Variants in UPF1 observed in about 807,000 individuals in gnomAD.
The protein encoded by UPF1 is regulator of nonsense transcripts 1.
UPF1 carries 9 observed loss-of-function variants against 129.2 expected under a neutral mutation model. That is an observed-to-expected ratio of 0.07 (90% CI 0.04 to 0.12). The LOEUF is 0.12. UPF1 is among the 10% of genes least tolerant of loss of function. The pLI is 1.00. For missense variants in UPF1, 788 were observed against 1,525.3 expected (o/e 0.52, Z 8.05); for synonymous variants, 649 against 644.9 (o/e 1.01, Z -0.10).
chr19:18,862,290 G>GT, intron 18 of UPF1, 138 bp downstream of exon 18: 1 of 1,359,916 alleles, frequency 7.4e-7, no homozygotes, highest in Non-Finnish European at 9.9e-7. Flanking sequence ...ATGTCTCACT[G>GT]GAGAGATCTT....
intron 1 of UPF1, among the ~76,000 whole-genome samples, chr19:18,842,129 G>A (rs1397918868): frequency 3.3e-5 from 5 of 152,156 alleles, no homozygotes; most frequent in Admixed American, 1.3e-4. Context: ...CCTGGGGACC[G>A]CTGTGTCGGG....
intron 1 of UPF1, among the ~76,000 whole-genome samples, chr19:18,834,280 G>A (rs2055460201): frequency 6.6e-6 from 1 of 152,234 alleles, no homozygotes; most frequent in Admixed American, 6.5e-5. Context: ...GCGTGACAGC[G>A]CGGATCGGGG....
intron 1 of UPF1, 31 bp from the exon 2 acceptor site, chr19:18,845,949 C>T: frequency 6.2e-7 from 1 of 1,611,576 alleles, no homozygotes; most frequent in Non-Finnish European, 8.5e-7. Context: ...AAGCTGCAGC[C>T]TCACTCAGGT....
At chr19:18,856,795 T>G (rs1050485222) in intron 13 of UPF1, 82 bp from the exon 14 acceptor site, 103 of 1,510,570 alleles carry the variant, frequency 6.8e-5, no homozygotes, top group Admixed American at 4.0e-4. Context: ...CAGGAGAGCT[T>G]CTGTGTTCTG....
intron 3 of UPF1, chr19:18,849,853 G>T: frequency 1.7e-6 from 1 of 582,332 alleles, no homozygotes; most frequent in South Asian, 2.0e-5. Flanking sequence ...ACCGTGTTAA[G>T]GAAGTTTTCC....
At chr19:18,844,741 A>G (rs1338099839) in intron 1 of UPF1, among the ~76,000 whole-genome samples, 2 of 152,154 alleles carry the variant, frequency 1.3e-5, no homozygotes, top group African/African-American at 4.8e-5. Context: ...TCCTTCACCC[A>G]TCATGTCCCC....
chr19:18,860,230 C>T, intron 15 of UPF1, 91 bp from the exon 16 acceptor site: 1 of 1,336,246 alleles, frequency 7.5e-7, no homozygotes, highest in East Asian at 2.3e-5. Flanking sequence ...ACCTGCAGCA[C>T]TGTAGCGTAG....
chr19:18,834,072 C>T (rs890582337), intron 1 of UPF1, among the ~76,000 whole-genome samples: 2 of 152,272 alleles, frequency 1.3e-5, no homozygotes, highest in South Asian at 2.1e-4. Context: ...GAGGCCCCAC[C>T]TCCTTGTAGT....
chr19:18,834,670 A>G (rs1273159196), intron 1 of UPF1, among the ~76,000 whole-genome samples: 1 of 152,208 alleles, frequency 6.6e-6, no homozygotes, highest in Non-Finnish European at 1.5e-5. Context: ...TTGCATCACA[A>G]GGGGAAGAAC....
intron 1 of UPF1, 73 bp from the exon 2 acceptor site, chr19:18,845,907 A>G (rs1401310370): frequency 5.1e-6 from 8 of 1,559,326 alleles, no homozygotes; most frequent in Admixed American, 1.8e-5. Context: ...CACCAGAGTC[A>G]TCGAGGCTGG....
intron 1 of UPF1, among the ~76,000 whole-genome samples, chr19:18,844,856 T>G (rs2055580947): frequency 6.6e-6 from 1 of 152,244 alleles, no homozygotes; most frequent in Non-Finnish European, 1.5e-5. Flanking sequence ...GAAATTAATG[T>G]TTTATCTTGA....
Position 18,850,838 on chromosome 19 carries a change from G to A in UPF1, c.780G>A (p.Gln260=), listed in dbSNP as rs1350001171. ...EQLRARQITA[Q]QINKLEELWK... ...TGCGGGCACGCCAGATCACGGCACAGCAGATCAACAAGCTGGAGGAGCTGT... is the reference window on the plus strand; with the variant it reads ...TGCGGGCACGCCAGATCACGGCACAACAGATCAACAAGCTGGAGGAGCTGT... The change falls in exon 5 of 24, where the codon CAG becomes CAA. Residue 260 remains glutamine, a synonymous_variant. Transcript: ENST00000262803. The surrounding 1 kb of genome is among the most constrained non-coding windows in gnomAD (Gnocchi z 7.1). 1 of 1,601,544 alleles carries A rather than the reference G, an allele frequency of 6.2e-7. No homozygotes were observed. The highest frequency in any genetic ancestry group is 1.1e-5 in the South Asian group (1 of 89,528).
chr19:18,861,345 T>C (rs954307364), intron 17 of UPF1, among the ~76,000 whole-genome samples: 2 of 152,172 alleles, frequency 1.3e-5, no homozygotes, highest in African/African-American at 2.4e-5. Context: ...TTCACACCTT[T>C]ATTGACACCC....
chr19:18,832,428 G>A lies in UPF1; in HGVS notation c.219G>A (p.Gln73=). The change falls in exon 1 of 24, where the codon CAG becomes CAA. Residue 73 remains glutamine, a synonymous_variant. Coordinates refer to ENST00000262803, the MANE Select transcript of UPF1 (RefSeq NM_002911.4). The surrounding 1 kb of genome is among the most constrained non-coding windows in gnomAD (Gnocchi z 5.6). ...CGGGCGCGGGCGCTGCGGCGGGACA[G>A]CTCGACGCGCAGGTGAGCGGCACAT... The part of the protein sequence containing the change: ...GGAGAGAAAG[Q]LDAQVGPEGI... 1.0e-6 allele frequency: 1 copy of A among 996,482 alleles called. No homozygotes were observed. The highest frequency in any genetic ancestry group is 1.2e-6 in the Non-Finnish European group (1 of 837,854). The allele number at this position is 996,482 out of a possible 1,614,324, so 61.7% of individuals were successfully genotyped here. A position where few individuals can be genotyped will look rare whatever the true frequency, so the allele number is the denominator to read the frequency against.
intron 1 of UPF1, among the ~76,000 whole-genome samples, chr19:18,835,721 G>C (rs779129389): frequency 8.5e-5 from 13 of 152,194 alleles, no homozygotes; most frequent in Non-Finnish European, 1.8e-4. Flanking sequence ...TGTTTATCTC[G>C]TCATCTGTTG....
chr19:18,854,832 A>T (rs955094342), intron 9 of UPF1, 47 bp from the exon 10 acceptor site: 2 of 1,608,850 alleles, frequency 1.2e-6, no homozygotes, highest in Non-Finnish European at 1.7e-6. Flanking sequence ...GATGTCGGAG[A>T]GGCGGCCACA....
chr19:18,847,931 C>G (rs531039736), intron 3 of UPF1, 98 bp downstream of exon 3: 1 of 1,345,140 alleles, frequency 7.4e-7, no homozygotes, highest in Non-Finnish European at 1.0e-6. Context: ...TATAAAATCA[C>G]GCTAACAAAC....
At chr19:18,837,120 C>CA (rs1391049266) in intron 1 of UPF1, among the ~76,000 whole-genome samples, 1 of 152,012 alleles carries the variant, frequency 6.6e-6, no homozygotes, top group Non-Finnish European at 1.5e-5. Flanking sequence ...GGCAAAGTCT[C>CA]ATTCTGTCAC....
intron 1 of UPF1, among the ~76,000 whole-genome samples, chr19:18,844,392 C>T (rs960033422): frequency 2.0e-5 from 3 of 151,326 alleles, no homozygotes; most frequent in Non-Finnish European, 4.4e-5. Context: ...GGCACGGTCT[C>T]AGCTCACTGC....
Sources: gnomAD v4.1 joint callset for allele counts (sites outside exome capture counted in the v4.1 genomes callset) on GRCh38, gnomAD v4.1.1 for gene constraint, Gnocchi (gnomAD v3.1) non-coding constraint, MANE v1.5 for transcripts, NCBI Gene and HGNC (gene_info 2026-07-23, HGNC 2026-07-21) for gene names.